Variants in WDFY4 observed in about 807,000 individuals in gnomAD.
The protein encoded by WDFY4 is WDFY family member 4, also known as WD repeat- and FYVE domain-containing protein 4.
Under a neutral mutation model 351.9 loss-of-function variants are expected in WDFY4, and 169 were observed. The ratio of observed to expected loss-of-function variants is 0.48; its 90% CI spans 0.42 to 0.55. The LOEUF (loss-of-function observed/expected upper bound fraction) is 0.55, where lower values mean the gene tolerates loss of function less well. WDFY4 is among the 20% of genes least tolerant of loss of function. The pLI is 0.00. For missense variants in WDFY4, 3,803 were observed against 3,935.6 expected, an observed-to-expected ratio of 0.97 and a Z score of 0.90; for synonymous variants, 1,622 against 1,574.6, an observed-to-expected ratio of 1.03 and a Z score of -0.71.
chr10:48,878,913 A>G (rs1043086612), intron 43 of WDFY4, among the ~76,000 whole-genome samples: 2 of 152,374 alleles, frequency 1.3e-5, no homozygotes, highest in Admixed American at 6.5e-5. Context: ...TGCTAAATTC[A>G]TGTGCATTTT....
At chr10:48,856,948 G>T (rs1321876091) in intron 39 of WDFY4, among the ~76,000 whole-genome samples, 1 of 152,152 alleles carries the variant, frequency 6.6e-6, no homozygotes, top group Non-Finnish European at 1.5e-5. Flanking sequence ...TCTAGTATTT[G>T]CTTGATTTTT....
intron 31 of WDFY4, among the ~76,000 whole-genome samples, chr10:48,814,906 C>T (rs1200775562): frequency 6.6e-5 from 10 of 152,154 alleles, no homozygotes; most frequent in African/African-American, 2.4e-4. Context: ...ACCCCTTTTG[C>T]CTTTTTTTCC....
rs552897051 is a variant in WDFY4, at chr10:48,751,605, G to A, written c.2459+8057G>A. ...CTGAGAGAGAAGCCCTAGAGTTTTG[G>A]AAGAGGATGGTGGCTGTCTGGAGTA... On this transcript the variant is annotated intron_variant, in intron 12 of 61. Coordinates refer to ENST00000325239, the MANE Select transcript of WDFY4 (RefSeq NM_001394531.1). Among the ~76,000 whole-genome samples the A allele has an allele frequency of 3.9e-5, 6 of 152,328 alleles. No homozygotes were observed. In the South Asian group the frequency reaches 1.2e-3, roughly 32 times the overall value.
At chr10:48,978,669 A>G (rs1055097668) in intron 60 of WDFY4, 1 of 366,002 alleles carries the variant, frequency 2.7e-6, no homozygotes. Flanking sequence ...TAATGAACAC[A>G]GGTACAAACC....
At chr10:48,976,719 C>T (rs1842584641) in intron 58 of WDFY4, 78 bp from the exon 59 acceptor site, 1 of 1,266,904 alleles carries the variant, frequency 7.9e-7, no homozygotes, top group African/African-American at 1.5e-5. Flanking sequence ...CTTGGGTGTA[C>T]CAACTGGGTA....
At chr10:48,765,211 T>C (rs1030300960) in intron 13 of WDFY4, among the ~76,000 whole-genome samples, 11 of 152,228 alleles carry the variant, frequency 7.2e-5, no homozygotes, top group Admixed American at 5.9e-4. Flanking sequence ...TTGCCATTCA[T>C]TGACATCACT....
chr10:48,687,726 T>C (rs989512837), intron 1 of WDFY4, among the ~76,000 whole-genome samples: 1 of 150,084 alleles, frequency 6.7e-6, no homozygotes, highest in African/African-American at 2.4e-5. Context: ...GCAATTATCC[T>C]GCCTCAGCCT....
chr10:48,864,829 T>A (rs149532577), intron 39 of WDFY4, among the ~76,000 whole-genome samples: 18 of 152,338 alleles, frequency 1.2e-4, no homozygotes, highest in Admixed American at 1.2e-3. Context: ...GATAATGTTA[T>A]AAGAGGAATC....
At chr10:48,706,745 GT>G (rs1303785584) in intron 1 of WDFY4, among the ~76,000 whole-genome samples, 1 of 152,130 alleles carries the variant, frequency 6.6e-6, no homozygotes, top group African/African-American at 2.4e-5. Flanking sequence ...ATTAGGATTT[GT>G]TATTTTATCA....
intron 27 of WDFY4, 106 bp from the exon 28 acceptor site, chr10:48,807,753 A>C: frequency 7.6e-7 from 1 of 1,312,286 alleles, no homozygotes; most frequent in Non-Finnish European, 1.1e-6. Context: ...CAGCCATGCC[A>C]CAATTCCTGG....
At chr10:48,800,939 G>A (rs2067068135) in intron 24 of WDFY4, among the ~76,000 whole-genome samples, 2 of 151,836 alleles carry the variant, frequency 1.3e-5, no homozygotes, top group Admixed American at 6.6e-5. Flanking sequence ...CACCATATTG[G>A]TCAGGCTGGT....
intron 57 of WDFY4, among the ~76,000 whole-genome samples, chr10:48,971,289 G>T (rs905879919): frequency 2.0e-5 from 3 of 152,192 alleles, no homozygotes; most frequent in Admixed American, 2.0e-4. Flanking sequence ...GAGGTCAGGA[G>T]ATCGAGACCA....
chr10:48,743,690 C>A, intron 12 of WDFY4, 142 bp downstream of exon 12: 1 of 980,622 alleles, frequency 1.0e-6, no homozygotes, highest in Non-Finnish European at 1.5e-6. Context: ...TTCCTCAAAT[C>A]AAGTTAGCTC....
intron 12 of WDFY4, 34 bp downstream of exon 12, chr10:48,743,582 C>T: frequency 6.6e-7 from 1 of 1,510,736 alleles, no homozygotes; most frequent in Non-Finnish European, 8.9e-7. Flanking sequence ...ATCAGTGCAT[C>T]TCTGTCTCCC....
At chr10:48,850,368 A>G (rs2068917587) in intron 39 of WDFY4, among the ~76,000 whole-genome samples, 1 of 152,154 alleles carries the variant, frequency 6.6e-6, no homozygotes, top group Non-Finnish European at 1.5e-5. Flanking sequence ...GTAGAGATTC[A>G]TTCATATTTA....
intron 36 of WDFY4, 105 bp downstream of exon 36, chr10:48,827,014 T>TTTATA: frequency 4.3e-6 from 4 of 933,858 alleles, no homozygotes; most frequent in Non-Finnish European, 6.3e-6. Flanking sequence ...AATGATATCA[T>TTTATA]CCTTTTGTTT....
chr10:48,969,573 C>T (rs1275208102), intron 56 of WDFY4, among the ~76,000 whole-genome samples: 1 of 152,192 alleles, frequency 6.6e-6, no homozygotes, highest in African/African-American at 2.4e-5. Flanking sequence ...CCTCTGTTTC[C>T]AATCATGATT....
intron 20 of WDFY4, among the ~76,000 whole-genome samples, chr10:48,787,891 C>T (rs1470762390): frequency 1.5e-5 from 1 of 66,770 alleles, no homozygotes; most frequent in Non-Finnish European, 2.6e-5. Flanking sequence ...TCTTCTTCTT[C>T]TCCTTCTTCT....
chr10:48,712,734 G>T (rs957524313), intron 2 of WDFY4, among the ~76,000 whole-genome samples: 1 of 152,216 alleles, frequency 6.6e-6, no homozygotes, highest in Non-Finnish European at 1.5e-5. Context: ...TGTGTAAGAA[G>T]ATAAGCTTGT....
Sources: gnomAD v4.1 joint callset for allele counts (sites outside exome capture counted in the v4.1 genomes callset) on GRCh38, gnomAD v4.1.1 for gene constraint, MANE v1.5 for transcripts, NCBI Gene and HGNC (gene_info 2026-07-23, HGNC 2026-07-21) for gene names.